Variants in TAX1BP1 observed in about 807,000 individuals in gnomAD.
TAX1BP1 encodes tax1-binding protein 1.
TAX1BP1 carries 62 observed loss-of-function variants against 97.7 expected under a neutral mutation model. That is an observed-to-expected ratio of 0.63 (90% CI 0.52 to 0.78). The LOEUF (loss-of-function observed/expected upper bound fraction) is 0.78, where lower values mean the gene tolerates loss of function less well. Ranked by LOEUF, TAX1BP1 falls within the 30% of genes least tolerant of loss-of-function variation. The pLI is 0.00. For synonymous variants in TAX1BP1, 340 were observed against 304.2 expected (o/e 1.12, Z -1.23); for missense variants, 867 against 916.1 (o/e 0.95, Z 0.69).
intron 5 of TAX1BP1, among the ~76,000 whole-genome samples, chr7:27,773,716 A>C (rs2128313421): frequency 6.6e-6 from 1 of 152,150 alleles, no homozygotes; most frequent in South Asian, 2.1e-4. Context: ...ACTTCTGTGA[A>C]AATTAGCAGT....
At chr7:27,815,093 G>A (rs1790717383) in intron 13 of TAX1BP1, among the ~76,000 whole-genome samples, 1 of 152,032 alleles carries the variant, frequency 6.6e-6, no homozygotes, top group South Asian at 2.1e-4. Flanking sequence ...TCATACCATT[G>A]TGAATAAAGA....
intron 5 of TAX1BP1, among the ~76,000 whole-genome samples, chr7:27,773,482 C>G (rs944774985): frequency 2.6e-5 from 4 of 152,026 alleles, no homozygotes; most frequent in African/African-American, 9.7e-5. Flanking sequence ...CCCAGACAGC[C>G]ACTAATTGAA....
At chr7:27,825,368 A>C (rs1457288790) in intron 15 of TAX1BP1, among the ~76,000 whole-genome samples, 1 of 152,074 alleles carries the variant, frequency 6.6e-6, no homozygotes, top group Non-Finnish European at 1.5e-5. Context: ...TGTATTCTCG[A>C]GTGAAGATTT....
At chr7:27,749,266 T>C (rs1787936562) in intron 2 of TAX1BP1, among the ~76,000 whole-genome samples, 1 of 152,228 alleles carries the variant, frequency 6.6e-6, no homozygotes, top group Admixed American at 6.5e-5. Flanking sequence ...ATCATTACAG[T>C]GGTACACCTC....
intron 15 of TAX1BP1, among the ~76,000 whole-genome samples, chr7:27,818,510 G>A (rs1002562620): frequency 3.3e-5 from 5 of 152,100 alleles, no homozygotes; most frequent in African/African-American, 1.2e-4. Flanking sequence ...TGCCCTGGGA[G>A]TGATTAATAG....
intron 4 of TAX1BP1, 43 bp from the exon 5 acceptor site, chr7:27,769,633 G>A: frequency 2.0e-6 from 3 of 1,488,786 alleles, no homozygotes; most frequent in Non-Finnish European, 2.7e-6. Context: ...CATATTTTAG[G>A]ATTAAGCAAA....
chr7:27,765,003 C>T (rs550512592), intron 3 of TAX1BP1, among the ~76,000 whole-genome samples: 281 of 1,116 alleles, frequency 0.25, no homozygotes, highest in Middle Eastern at 0.5. Context: ...TCTGCCTCTC[C>T]TCTCTGTTTT....
At chr7:27,796,045 T>C in intron 11 of TAX1BP1, 71 bp from the exon 12 acceptor site, 1 of 1,166,174 alleles carries the variant, frequency 8.6e-7, no homozygotes, top group South Asian at 1.4e-5. Context: ...GACCTTTAAG[T>C]TATTCTGAAC....
chr7:27,762,529 T>C (rs1447004139), intron 3 of TAX1BP1, among the ~76,000 whole-genome samples: 1 of 152,148 alleles, frequency 6.6e-6, no homozygotes, highest in Non-Finnish European at 1.5e-5. Flanking sequence ...AGACTCCATC[T>C]GTTGAAAAAA....
At chr7:27,787,929 A>G (rs1326379624) in intron 8 of TAX1BP1, among the ~76,000 whole-genome samples, 1 of 152,094 alleles carries the variant, frequency 6.6e-6, no homozygotes, top group Non-Finnish European at 1.5e-5. Flanking sequence ...ACACCTAAGA[A>G]TTTAGCACTG....
chr7:27,741,243 A>G (rs1228921463), intron 1 of TAX1BP1, among the ~76,000 whole-genome samples: 2 of 152,222 alleles, frequency 1.3e-5, no homozygotes, highest in African/African-American at 2.4e-5. Flanking sequence ...AATAGTTACA[A>G]GTTTGGTGCT....
intron 15 of TAX1BP1, among the ~76,000 whole-genome samples, chr7:27,827,443 T>C (rs1791219688): frequency 6.6e-6 from 1 of 152,150 alleles, no homozygotes; most frequent in Non-Finnish European, 1.5e-5. Flanking sequence ...TGAAAAGGTC[T>C]ACTGTTCTCA....
At chr7:27,810,387 A>G (rs1790512135) in intron 13 of TAX1BP1, among the ~76,000 whole-genome samples, 1 of 152,160 alleles carries the variant, frequency 6.6e-6, no homozygotes, top group South Asian at 2.1e-4. Flanking sequence ...CTATTTCTCA[A>G]TAGCCCTGTA....
chr7:27,795,224 C>G (rs1486980585), intron 11 of TAX1BP1, among the ~76,000 whole-genome samples: 1 of 152,066 alleles, frequency 6.6e-6, no homozygotes, highest in Non-Finnish European at 1.5e-5. Flanking sequence ...CCTTCTGTTT[C>G]CATGTATCCT....
At chr7:27,791,109 A>G (rs1261801137) in intron 8 of TAX1BP1, among the ~76,000 whole-genome samples, 1 of 151,990 alleles carries the variant, frequency 6.6e-6, no homozygotes, top group African/African-American at 2.4e-5. Flanking sequence ...TTCTCCTTTG[A>G]CATATAGAAG....
In TAX1BP1 at chr7:27,814,560, A is replaced by G. The variant is rs146859277; in HGVS notation, c.1765-1789A>G. On this transcript the variant is annotated intron_variant, in intron 13 of 16. Coordinates refer to ENST00000396319, the MANE Select transcript of TAX1BP1 (RefSeq NM_006024.7). ...CTTAATGCATTATTTTGTTTAGTGT[A>G]TAGGCTTTGCACATCTTTCATATAT... 4.1e-3 allele frequency among the ~76,000 whole-genome samples: 627 copies of G among 152,290 alleles called. 4 individuals carry two copies. Among genetic ancestry groups the G allele is most frequent in the African/African-American group, 0.014 (599 of 41,554 alleles).
chr7:27,780,417 G>A (rs1267247695), intron 5 of TAX1BP1, among the ~76,000 whole-genome samples: 6 of 152,072 alleles, frequency 3.9e-5, no homozygotes. Context: ...CTTTTCTCAT[G>A]TGAACGAGCC....
At chr7:27,771,525 A>G (rs1788850101) in intron 5 of TAX1BP1, among the ~76,000 whole-genome samples, 1 of 151,936 alleles carries the variant, frequency 6.6e-6, no homozygotes, top group African/African-American at 2.4e-5. Context: ...GGTCCATTTG[A>G]GTAGTAGCTA....
chr7:27,769,822 A>G lies in TAX1BP1; in HGVS notation c.600A>G (p.Gln200=). Residue 200 remains glutamine, a synonymous_variant, in exon 5 of 17, where the codon CAA becomes CAG. Transcript: ENST00000396319. ...AGAAAGAAAGATGTGACCAACTGCAAGCAGAACAAAAGGTTAGTTGTGTCT... is the reference window on the plus strand; with the variant it reads ...AGAAAGAAAGATGTGACCAACTGCAGGCAGAACAAAAGGTTAGTTGTGTCT... ...NHEKERCDQL[Q]AEQKGLTEVT... is the part of the protein sequence containing the mutation. 2.5e-6 allele frequency: 4 copies of G among 1,612,108 alleles called. No homozygotes were observed. The highest frequency in any genetic ancestry group is 3.4e-6 in the Non-Finnish European group (4 of 1,178,700).
Sources: allele counts gnomAD v4.1 joint callset (sites outside exome capture counted in the v4.1 genomes callset), GRCh38; gene constraint gnomAD v4.1.1; transcripts MANE v1.5; gene names NCBI Gene and HGNC (gene_info 2026-07-23, HGNC 2026-07-21).